The following CHCHD3 variants were observed in gnomAD, a reference collection of about 807,000 sequenced individuals.
The protein encoded by CHCHD3 is coiled-coil-helix-coiled-coil-helix domain containing 3.
Under a neutral mutation model 38.2 loss-of-function variants are expected in CHCHD3, and 20 were observed. The observed-to-expected ratio is 0.52, with a 90% CI of 0.37 to 0.76. CHCHD3 has a LOEUF of 0.76. CHCHD3 is among the 30% of genes least tolerant of loss of function. CHCHD3 has a pLI of 0.00. For synonymous variants in CHCHD3, 82 were observed against 100.0 expected (o/e 0.82, Z 1.07); for missense variants, 245 against 279.2 (o/e 0.88, Z 0.87).
chr7:132,985,377 G>GC (rs1452234668), intron 3 of CHCHD3, among the ~76,000 whole-genome samples: 3 of 79,444 alleles, frequency 3.8e-5, no homozygotes, highest in Admixed American at 2.5e-4. Context: ...GAAGGAGGTG[G>GC]GGGGGTCAGC....
chr7:132,795,298 G>A (rs1200531133), intron 7 of CHCHD3, among the ~76,000 whole-genome samples: 2 of 152,140 alleles, frequency 1.3e-5, no homozygotes, highest in East Asian at 1.9e-4. Flanking sequence ...CATATCAGAA[G>A]CTGTTTTCGA....
rs552838606 is a variant in CHCHD3 at position 133,006,423 on chromosome 7, C to T, written c.251+18123G>A. Among the ~76,000 whole-genome samples, 71 of 151,978 alleles carry T rather than the reference C, an allele frequency of 4.7e-4. 1 individual carries two copies. Among genetic ancestry groups the T allele is most frequent in the African/African-American group, 1.6e-3 (67 of 41,452 alleles). The stretch of plus-strand genomic sequence containing the variant: ...TAGAGGTTGCAGTGAGCTGAGATCG[C>T]GCCGCTGCACTCCAGCCTGGGCAAC... On this transcript the variant is annotated intron_variant, in intron 3 of 7. Coordinates refer to ENST00000262570, the MANE Select transcript of CHCHD3 (RefSeq NM_017812.4).
At chr7:133,022,497 T>C in intron 3 of CHCHD3, 1 of 456,604 alleles carries the variant, frequency 2.2e-6, no homozygotes, top group Non-Finnish European at 4.4e-6. Context: ...GTTTCTTCTC[T>C]GGTAGAAAAA....
chr7:132,922,922 A>G, intron 4 of CHCHD3, among the ~76,000 whole-genome samples: 1 of 152,160 alleles, frequency 6.6e-6, no homozygotes, highest in East Asian at 1.9e-4. Context: ...AAACCTATCC[A>G]TCCATGATTG....
chr7:132,855,109 T>C (rs574394110), intron 5 of CHCHD3, among the ~76,000 whole-genome samples: 2 of 152,326 alleles, frequency 1.3e-5, no homozygotes, highest in South Asian at 2.1e-4. Flanking sequence ...TTCCATAAGA[T>C]ATTAAGTGCC....
At chr7:133,036,773 C>T (rs1813690356) in intron 2 of CHCHD3, among the ~76,000 whole-genome samples, 1 of 152,158 alleles carries the variant, frequency 6.6e-6, no homozygotes, top group Non-Finnish European at 1.5e-5. Context: ...GAATGAAACT[C>T]TTCAATTGGA....
At chr7:133,072,252 T>C (rs1242670154) in intron 1 of CHCHD3, among the ~76,000 whole-genome samples, 1 of 31,794 alleles carries the variant, frequency 3.1e-5, no homozygotes, top group African/African-American at 7.9e-5. Flanking sequence ...ACAATTTACT[T>C]TAATAAACTT....
chr7:132,988,052 G>A (rs1812168838), intron 3 of CHCHD3, among the ~76,000 whole-genome samples: 2 of 152,056 alleles, frequency 1.3e-5, no homozygotes, highest in Admixed American at 1.3e-4. Context: ...AATCTACTCT[G>A]CTATTGGTAA....
intron 3 of CHCHD3, among the ~76,000 whole-genome samples, chr7:132,988,958 TTTAAAA>T (rs1056488748): frequency 1.3e-5 from 2 of 152,154 alleles, no homozygotes; most frequent in African/African-American, 4.8e-5. Context: ...TAACACAATT[TTTAAAA>T]ATACAAATTT....
At chr7:133,009,560 G>A (rs1056237683) in intron 3 of CHCHD3, among the ~76,000 whole-genome samples, 9 of 151,064 alleles carry the variant, frequency 6.0e-5, no homozygotes, top group Admixed American at 2.0e-4. Context: ...ACTCTGTCAC[G>A]AAACCAGGGA....
chr7:132,834,259 C>T (rs1194541027), intron 6 of CHCHD3, among the ~76,000 whole-genome samples: 1 of 152,186 alleles, frequency 6.6e-6, no homozygotes, highest in African/African-American at 2.4e-5. Flanking sequence ...TGGTAAGCAT[C>T]TCCTATACCC....
chr7:132,952,350 C>A (rs1046789798), intron 4 of CHCHD3, among the ~76,000 whole-genome samples: 1 of 152,216 alleles, frequency 6.6e-6, no homozygotes, highest in Non-Finnish European at 1.5e-5. Flanking sequence ...TAATGACCGG[C>A]CAGACTTGAG....
intron 3 of CHCHD3, among the ~76,000 whole-genome samples, chr7:132,983,230 G>A (rs2117348812): frequency 6.6e-6 from 1 of 152,264 alleles, no homozygotes. Flanking sequence ...GCTGAGGCAA[G>A]GAGAATTGCT....
chr7:132,964,530 C>T (rs566598799), intron 4 of CHCHD3, among the ~76,000 whole-genome samples: 10 of 152,214 alleles, frequency 6.6e-5, no homozygotes, highest in African/African-American at 2.4e-4. Flanking sequence ...TGCAGTGAGC[C>T]AAGATCACGC....
At chr7:132,825,397 T>A (rs1807483908) in intron 6 of CHCHD3, among the ~76,000 whole-genome samples, 3 of 152,242 alleles carry the variant, frequency 2.0e-5, no homozygotes, top group Admixed American at 2.0e-4. Context: ...TTCAAAGACT[T>A]CAAAAACAGC....
chr7:132,833,777 A>G (rs748133580), intron 6 of CHCHD3, among the ~76,000 whole-genome samples: 1 of 152,360 alleles, frequency 6.6e-6, no homozygotes, highest in African/African-American at 2.4e-5. Flanking sequence ...TCGATTAGCT[A>G]TCCTGGTAGG....
rs1041647237 is a variant in CHCHD3 at position 132,913,647 on chromosome 7, A to G, written c.370-27902T>C. 2.6e-5 allele frequency among the ~76,000 whole-genome samples: 4 copies of G among 152,358 alleles called. No homozygotes were observed. The East Asian group carries it at 7.7e-4, about 29-fold the overall frequency. On this transcript the variant is annotated intron_variant, in intron 4 of 7. Transcript: ENST00000262570. ...GAGGTCTACCGATTCTGAAGCCATG[A>G]TTTCTTACCACATCATGTCCAGGAT...
chr7:132,848,082 C>T (rs894224551), intron 5 of CHCHD3, among the ~76,000 whole-genome samples: 6 of 152,144 alleles, frequency 3.9e-5, no homozygotes, highest in Admixed American at 6.5e-5. Context: ...CTTCAAGGTA[C>T]AATACCACAC....
At chr7:133,079,497 C>T (rs1197662096) in intron 1 of CHCHD3, among the ~76,000 whole-genome samples, 3 of 152,186 alleles carry the variant, frequency 2.0e-5, no homozygotes, top group East Asian at 3.8e-4. Flanking sequence ...GAAAGGAACC[C>T]TATCATAATA....
Sources: gnomAD v4.1 joint callset for allele counts (sites outside exome capture counted in the v4.1 genomes callset) on GRCh38, gnomAD v4.1.1 for gene constraint, MANE v1.5 for transcripts, NCBI Gene and HGNC (gene_info 2026-07-23, HGNC 2026-07-21) for gene names.